The following MYH16 variants were observed in gnomAD, a reference collection of about 807,000 sequenced individuals.
MYH16 encodes the protein myosin heavy chain 16, also known as putative uncharacterized protein MYH16.
chr7:99,277,912 T>A (rs199896583), intron 21 of MYH16, among the ~76,000 whole-genome samples, 200 bp downstream of exon 3: 37 of 131,754 alleles, frequency 2.8e-4, no homozygotes, highest in East Asian at 2.0e-3. Context: ...TGTGTGTGTG[T>A]GTGTGAGAGA....
At chr7:99,261,667 A>C (rs1791939144) in intron 13 of MYH16, 2 of 152,992 alleles carry the variant, frequency 1.3e-5, no homozygotes, top group Admixed American at 1.3e-4. Context: ...TCTGTGTTTC[A>C]GGTCCCAGCT....
At chr7:99,269,263 GA>G (rs1169824807) in intron 18 of MYH16, among the ~76,000 whole-genome samples, 1 of 151,190 alleles carries the variant, frequency 6.6e-6, no homozygotes, top group Non-Finnish European at 1.5e-5. Context: ...ATTTTGACAT[GA>G]ACCATTCTCT....
At chr7:99,277,916 T>TGTGTGA (rs1478749471) in intron 21 of MYH16, among the ~76,000 whole-genome samples, 45 of 132,320 alleles carry the variant, frequency 3.4e-4, no homozygotes, top group Middle Eastern at 3.5e-3. Context: ...TGTGTGTGTG[T>TGTGTGA]GAGAGAGAGA....
chr7:99,293,464 G>C (rs893403729), intron 32 of MYH16, among the ~76,000 whole-genome samples: 5 of 152,046 alleles, frequency 3.3e-5, no homozygotes, highest in African/African-American at 9.7e-5. Flanking sequence ...GCACTACCTG[G>C]TCCTCCCCCA....
At chr7:99,293,334 A>G (rs183401196) in intron 32 of MYH16, among the ~76,000 whole-genome samples, 49 of 152,298 alleles carry the variant, frequency 3.2e-4, no homozygotes, top group African/African-American at 1.2e-3. Context: ...CTAATATGAT[A>G]GCAAATAAGG....
exon 2 of MYH16, chr7:99,243,376 T>TCTGC (rs1791689906): frequency 6.5e-6 from 1 of 152,760 alleles, no homozygotes; most frequent in African/African-American, 2.4e-5. Context: ...ATGAGGCCAG[T>TCTGC]GTCCTAGACA....
intron 20 of MYH16, among the ~76,000 whole-genome samples, chr7:99,274,682 T>C (rs1487444433): frequency 7.4e-5 from 11 of 148,940 alleles, no homozygotes; most frequent in Non-Finnish European, 1.3e-4. Flanking sequence ...TTTTTTTTTT[T>C]TTTTTTTTTG....
intron 1 of MYH16, among the ~76,000 whole-genome samples, chr7:99,241,170 C>T (rs1239586396): frequency 6.6e-6 from 1 of 152,230 alleles, no homozygotes. Context: ...GCCTGTGGCG[C>T]TGGCTTCCCT....
chr7:99,262,785 C>A (rs1047289275), intron 13 of MYH16, among the ~76,000 whole-genome samples: 1 of 152,180 alleles, frequency 6.6e-6, no homozygotes, highest in African/African-American at 2.4e-5. Flanking sequence ...ATGGAGCCCC[C>A]TTTCCATCAG....
At chr7:99,273,169 C>T (rs537102840) in intron 19 of MYH16, among the ~76,000 whole-genome samples, 92 bp downstream of exon 1, 4 of 152,316 alleles carry the variant, frequency 2.6e-5, no homozygotes, top group African/African-American at 4.8e-5. Flanking sequence ...CTGACCCCAA[C>T]GTGAGTCTCC....
chr7:99,273,267 C>A (rs1000119389), intron 19 of MYH16, 75 bp from the exon 2 acceptor site: 3 of 451,956 alleles, frequency 6.6e-6, no homozygotes, highest in Non-Finnish European at 1.3e-5. Context: ...TATTCCCAGG[C>A]CCCACCCCTT....
At chr7:99,282,327 C>T (rs1188108335) in intron 23 of MYH16, among the ~76,000 whole-genome samples, 4 of 152,064 alleles carry the variant, frequency 2.6e-5, no homozygotes. Flanking sequence ...CACCCGGCCT[C>T]ACAGTGGTTA....
intron 33 of MYH16, 147 bp downstream of exon 14, chr7:99,294,297 G>T (rs183077896): frequency 2.3e-4 from 75 of 326,274 alleles, no homozygotes; most frequent in African/African-American, 1.5e-3. Context: ...TCAGGAGCTT[G>T]CTGGACAACG....
At chr7:99,249,538 CAAAAAAA>C (rs1222006408) in intron 4 of MYH16, among the ~76,000 whole-genome samples, 6 of 50,284 alleles carry the variant, frequency 1.2e-4, no homozygotes, top group Non-Finnish European at 2.0e-4. Flanking sequence ...GACCCTCTCT[CAAAAAAA>C]AAAAAAAAAA....
downstream of MYH16, among the ~76,000 whole-genome samples, chr7:99,307,549 C>A (rs932523941): frequency 8.4e-4 from 128 of 152,044 alleles, no homozygotes; most frequent in African/African-American, 2.7e-3. Flanking sequence ...ACAGTGAAAC[C>A]CTGTCTCTAC....
chr7:99,249,635 A>G lies in MYH16; in HGVS notation n.540-344A>G, dbSNP rs183146763. On this transcript the variant is annotated intron_variant and non_coding_transcript_variant, in intron 4 of 41. Coordinates refer to ENST00000439784, the Ensembl canonical transcript of MYH16. ...TGCTCTGCCACCCGGGCTGGAGTGC[A>G]GCCTCCACCTCCTGGGTTCAAGCGA... Among the ~76,000 whole-genome samples the G allele has an allele frequency of 1.1e-3, 143 of 127,814 alleles. 1 individual carries two copies. The East Asian group carries it at 0.025, about 22-fold the overall frequency. 83.9% of individuals were successfully genotyped at this position (127,814 alleles called of 152,430 possible). A position where few individuals can be genotyped will look rare whatever the true frequency, so the allele number is the denominator to read the frequency against.
At chr7:99,300,654 AT>A in intron 37 of MYH16, among the ~76,000 whole-genome samples, 1 of 152,236 alleles carries the variant, frequency 6.6e-6, no homozygotes, top group Non-Finnish European at 1.5e-5. Flanking sequence ...AAAAAATAAA[AT>A]TAGCCAGGCA....
downstream of MYH16, chr7:99,306,897 T>C (rs1288527493): frequency 1.3e-5 from 2 of 152,484 alleles, no homozygotes; most frequent in Non-Finnish European, 2.9e-5. Context: ...GCACTGGCTT[T>C]GCTGCTAGTA....
At chr7:99,287,829 G>T (rs188815610) in intron 28 of MYH16, 63 bp from the exon 10 acceptor site, 47 of 428,766 alleles carry the variant, frequency 1.1e-4, no homozygotes, top group East Asian at 1.1e-3. Context: ...GCAGCTGGGC[G>T]GTGTCCACCC....
Sources: gnomAD v4.1 joint callset for allele counts (sites outside exome capture counted in the v4.1 genomes callset) on GRCh38, gnomAD v4.1.1 for gene constraint, MANE v1.5 for transcripts, NCBI Gene and HGNC (gene_info 2026-07-23, HGNC 2026-07-21) for gene names.